Variants in KIF2A observed in about 807,000 individuals in gnomAD.
KIF2A encodes kinesin-like protein KIF2A.
Under a neutral mutation model 100.2 loss-of-function variants are expected in KIF2A, and 22 were observed. That is an observed-to-expected ratio of 0.22 (90% CI 0.16 to 0.31). The LOEUF (loss-of-function observed/expected upper bound fraction) is 0.31. KIF2A is among the 10% of genes least tolerant of loss of function. The pLI, the probability that KIF2A is intolerant of heterozygous loss-of-function variation, is 1.00. For synonymous variants in KIF2A, 268 were observed against 285.9 expected (o/e 0.94, Z 0.63); for missense variants, 495 against 898.7 (o/e 0.55, Z 5.74).
chr5:62,320,209 GT>G (rs1228765062), intron 1 of KIF2A, among the ~76,000 whole-genome samples: 1 of 152,088 alleles, frequency 6.6e-6, no homozygotes, highest in Non-Finnish European at 1.5e-5. Flanking sequence ...CATTTCATTA[GT>G]GAGTAAATAT....
Position 62,389,925 on chromosome 5 carries a change from AC to A in KIF2A, c.*4357del, listed in dbSNP as rs1742223645. Among the ~76,000 whole-genome samples, 1 of 152,220 alleles carries A rather than the reference AC, an allele frequency of 6.6e-6. No individual in the cohort carries two copies. The highest frequency in any genetic ancestry group is 2.4e-5 in the African/African-American group (1 of 41,456). On this transcript the variant is annotated 3_prime_UTR_variant, in exon 21 of 21. Coordinates refer to ENST00000407818, the MANE Select transcript of KIF2A (RefSeq NM_001098511.3). ...GTTATGTTTAGGCTGGCCCATAGAA[AC>A]AGGTCCAGATAAATTTCTAAAAAAG...
At chr5:62,321,614 G>A (rs1378291095) in intron 1 of KIF2A, among the ~76,000 whole-genome samples, 1 of 152,170 alleles carries the variant, frequency 6.6e-6, no homozygotes, top group East Asian at 1.9e-4. Context: ...CCAGACTGGA[G>A]TGCAATGGTG....
intron 18 of KIF2A, among the ~76,000 whole-genome samples, chr5:62,374,067 C>A (rs992317072): frequency 3.3e-5 from 5 of 152,036 alleles, no homozygotes; most frequent in Non-Finnish European, 7.4e-5. Context: ...TAAAAATCAT[C>A]CAGATGTGGT....
chr5:62,316,515 A>G (rs572738270), intron 1 of KIF2A, among the ~76,000 whole-genome samples: 325 of 152,354 alleles, frequency 2.1e-3, no homozygotes, highest in Middle Eastern at 6.8e-3. Flanking sequence ...AAAAAGAGGT[A>G]AGCAAGGGAT....
Position 62,387,371 on chromosome 5 carries a change from G to A in KIF2A, c.*1802G>A, listed in dbSNP as rs1249658809. On this transcript the variant is annotated 3_prime_UTR_variant, in exon 21 of 21. Coordinates refer to ENST00000407818, the MANE Select transcript of KIF2A (RefSeq NM_001098511.3). ...TTTGAGATTAACCAACTTTCAAAGG[G>A]CAATAAAGACATGTGAATTTGCTCA... 1.3e-5 allele frequency: 2 copies of A among 152,072 alleles called. No homozygotes were observed. Among genetic ancestry groups the A allele is most frequent in the South Asian group, 2.1e-4 (1 of 4,822 alleles). 9.4% of individuals were successfully genotyped at this position (152,072 alleles called of 1,614,324 possible).
chr5:62,308,534 A>G (rs547758639), intron 1 of KIF2A: 1 of 703,600 alleles, frequency 1.4e-6, no homozygotes, highest in East Asian at 2.7e-5. Flanking sequence ...TAAAGAAATT[A>G]TGTGTGTGTG....
At position 62,306,430 on chromosome 5, in the gene KIF2A, G is replaced by T; in HGVS notation, c.-43G>T. ...CCCCTCCCCGCCTTTTCCGCCCTCC[G>T]GTCCCCCTCCCTCGGCCCGCTGCTG... On this transcript the variant is annotated 5_prime_UTR_variant, in exon 1 of 21. Transcript: ENST00000407818. 2.2e-6 allele frequency: 1 copy of T among 463,960 alleles called. No homozygotes were observed. The highest frequency in any genetic ancestry group is 1.2e-4 in the East Asian group (1 of 8,066). The allele number at this position is 463,960 out of a possible 1,614,324, so 28.7% of individuals were successfully genotyped here.
chr5:62,376,983 C>G (rs950021094), intron 18 of KIF2A, among the ~76,000 whole-genome samples: 11 of 152,118 alleles, frequency 7.2e-5, no homozygotes, highest in African/African-American at 2.7e-4. Context: ...TTTCACATCT[C>G]TCAAATACTG....
chr5:62,354,420 A>G (rs540162707), intron 6 of KIF2A, among the ~76,000 whole-genome samples: 18 of 152,286 alleles, frequency 1.2e-4, no homozygotes, highest in African/African-American at 4.3e-4. Context: ...ACAAATCTGA[A>G]TATGATGTAT....
rs150669180 is a variant in KIF2A at position 62,381,897 on chromosome 5, G to A, written c.2149+644G>A. ...TTTTTTTAAATGAAGGAGGTGTCAA[G>A]ATGACTATCCTCTGTACCTTACTCA... On this transcript the variant is annotated intron_variant, in intron 20 of 20. Coordinates refer to ENST00000407818, the MANE Select transcript of KIF2A (RefSeq NM_001098511.3). Among the ~76,000 whole-genome samples, 1,385 of 152,318 alleles carry A rather than the reference G, an allele frequency of 9.1e-3. 14 individuals are homozygous for A. The highest frequency in any genetic ancestry group is 0.014 in the South Asian group (69 of 4,824).
chr5:62,341,137 A>T (rs1747270627), intron 1 of KIF2A, among the ~76,000 whole-genome samples: 1 of 152,206 alleles, frequency 6.6e-6, no homozygotes, highest in South Asian at 2.1e-4. Flanking sequence ...AGATAAGGCA[A>T]CATAATTCTC....
intron 1 of KIF2A, among the ~76,000 whole-genome samples, chr5:62,344,115 G>C (rs562091043): frequency 4.6e-5 from 7 of 152,296 alleles, no homozygotes; most frequent in African/African-American, 1.7e-4. Flanking sequence ...GGAGGCTGAG[G>C]CGGGCAGATC....
chr5:62,365,049 C>T (rs530070304), intron 14 of KIF2A, among the ~76,000 whole-genome samples, 194 bp from the exon 15 acceptor site: 8 of 152,108 alleles, frequency 5.3e-5, no homozygotes, highest in South Asian at 2.1e-4. Context: ...GCCAAGATTG[C>T]GCCACCACAC....
At chr5:62,339,542 T>TTTTTTTTTTTTTTTTTTTTGCG (rs1554040419) in intron 1 of KIF2A, among the ~76,000 whole-genome samples, 2 of 148,306 alleles carry the variant, frequency 1.3e-5, no homozygotes, top group African/African-American at 5.0e-5. Flanking sequence ...CTTCTCTTAT[T>TTTTTTTTTTTTTTTTTTTTGCG]ATGTATCTTA....
chr5:62,355,266 TG>T lies in KIF2A; in HGVS notation c.654+13del, dbSNP rs779185053. The T allele has an allele frequency of 7.5e-7, 1 of 1,325,652 alleles. No homozygotes were observed. The highest frequency in any genetic ancestry group is 1.2e-5 in the South Asian group (1 of 80,316). 82.1% of individuals were successfully genotyped at this position (1,325,652 alleles called of 1,614,324 possible). ...CAACAGCAGATCCTGTAAGATTCTT[TG>T]TAAACCATTATTCTGGAACTTTTTA... On this transcript the variant is annotated intron_variant, in intron 7 of 20. Transcript: ENST00000407818.
chr5:62,308,721 A>G (rs1745425888), intron 1 of KIF2A, among the ~76,000 whole-genome samples: 1 of 152,196 alleles, frequency 6.6e-6, no homozygotes, highest in African/African-American at 2.4e-5. Flanking sequence ...ATATTTTTTT[A>G]AGGAGCTAAA....
intron 6 of KIF2A, 86 bp from the exon 7 acceptor site, chr5:62,355,073 A>ATTTAAT (rs554569656): frequency 1.5e-6 from 1 of 665,188 alleles, no homozygotes. Context: ...AAATGGCACA[A>ATTTAAT]TTTAATTTTA....
At chr5:62,316,855 T>A (rs967139731) in intron 1 of KIF2A, among the ~76,000 whole-genome samples, 1 of 152,126 alleles carries the variant, frequency 6.6e-6, no homozygotes, top group African/African-American at 2.4e-5. Context: ...TTAAAACCAC[T>A]CTTGAAATAA....
chr5:62,373,785 G>T lies in KIF2A; in HGVS notation c.1859G>T (p.Gly620Val). 1.2e-6 allele frequency: 2 copies of T among 1,612,510 alleles called. No homozygotes were observed. Among genetic ancestry groups the T allele is most frequent in the Non-Finnish European group, 1.7e-6 (2 of 1,178,518 alleles). Residue 620 changes from glycine to valine, a missense_variant, in exon 18 of 21, where the codon GGT becomes GTT. This residue lies in a region of KIF2A where 100 missense variants were observed against 138.2 expected (regional missense o/e 0.72). Transcript: ENST00000407818. ...ATTGATGACTTAGAGACACAGTGGGGTGTGGGGAGTTCCCCTCAGAGAGAT... is the reference window on the plus strand; with the variant it reads ...ATTGATGACTTAGAGACACAGTGGGTTGTGGGGAGTTCCCCTCAGAGAGAT... ...NQIDDLETQW[G>V]VGSSPQRDDL... is the part of the protein sequence containing the mutation.
Sources: gnomAD v4.1 joint callset for allele counts (sites outside exome capture counted in the v4.1 genomes callset) on GRCh38, gnomAD v4.1.1 for gene constraint, gnomAD v4.1.1 regional missense constraint, MANE v1.5 for transcripts, NCBI Gene and HGNC (gene_info 2026-07-23, HGNC 2026-07-21) for gene names.